CNBD1: variants seen among roughly 807,000 people sequenced by gnomAD.
The protein encoded by CNBD1 is cyclic nucleotide-binding domain-containing protein 1.
CNBD1 carries 71 observed loss-of-function variants against 54.4 expected under a neutral mutation model. The ratio of observed to expected loss-of-function variants is 1.30; its 90% CI spans 1.08 to 1.59. The LOEUF (loss-of-function observed/expected upper bound fraction) is 1.59. Among genes scored for constraint, CNBD1 ranks in the 40% most tolerant of loss-of-function variants. CNBD1 has a pLI of 0.00. For missense variants in CNBD1, 659 were observed against 518.0 expected, an observed-to-expected ratio of 1.27 and a Z score of -2.64; for synonymous variants, 182 against 170.7, an observed-to-expected ratio of 1.07 and a Z score of -0.51.
intron 4 of CNBD1, among the ~76,000 whole-genome samples, chr8:87,087,635 T>G (rs1318569047): frequency 2.0e-5 from 3 of 152,030 alleles, no homozygotes; most frequent in Non-Finnish European, 4.4e-5. Flanking sequence ...GGCTATTTTT[T>G]TTTTGTATTT....
intron 8 of CNBD1, among the ~76,000 whole-genome samples, chr8:87,330,751 T>C (rs898736144): frequency 1.3e-5 from 2 of 152,204 alleles, no homozygotes; most frequent in Non-Finnish European, 2.9e-5. Context: ...AGAATATGTA[T>C]GCTGCTGTTA....
rs1204361186 is a variant in CNBD1 at position 86,905,004 on chromosome 8, A to C, written c.159-77A>C. ...TAAATAGTATAGAATTGATACGTAT[A>C]TATTGAGTTAAAAATCTTTCTCTTG... On this transcript the variant is annotated intron_variant, in intron 2 of 10. Coordinates refer to ENST00000518476, the MANE Select transcript of CNBD1 (RefSeq NM_173538.3). 4 of 742,582 alleles carry C rather than the reference A, an allele frequency of 5.4e-6. No homozygotes were observed. In the Admixed American group the frequency reaches 9.0e-5, roughly 17 times the overall value. The allele number at this position is 742,582 out of a possible 1,614,324, so 46.0% of individuals were successfully genotyped here. A position where few individuals can be genotyped will look rare whatever the true frequency, so the allele number is the denominator to read the frequency against.
intron 4 of CNBD1, among the ~76,000 whole-genome samples, chr8:86,980,509 G>A (rs550260550): frequency 5.2e-4 from 79 of 152,276 alleles, no homozygotes; most frequent in African/African-American, 1.4e-3. Context: ...ACCAACTCAG[G>A]TGAATACACA....
At chr8:87,065,672 C>T (rs536745937) in intron 4 of CNBD1, among the ~76,000 whole-genome samples, 1 of 151,962 alleles carries the variant, frequency 6.6e-6, no homozygotes, top group African/African-American at 2.4e-5. Flanking sequence ...AAGGCAACTC[C>T]GAATAGTGGG....
chr8:87,114,051 T>G (rs1811721485), intron 4 of CNBD1, among the ~76,000 whole-genome samples: 1 of 152,104 alleles, frequency 6.6e-6, no homozygotes, highest in African/African-American at 2.4e-5. Flanking sequence ...TAAAATGAGG[T>G]ATTATATATG....
At chr8:87,047,872 T>C (rs1810229539) in intron 4 of CNBD1, among the ~76,000 whole-genome samples, 1 of 152,182 alleles carries the variant, frequency 6.6e-6, no homozygotes, top group East Asian at 1.9e-4. Context: ...AAAGTGGAAA[T>C]AACTGAAAGA....
intron 6 of CNBD1, among the ~76,000 whole-genome samples, chr8:87,271,337 A>C (rs1279899027): frequency 6.6e-6 from 1 of 151,408 alleles, no homozygotes; most frequent in Non-Finnish European, 1.5e-5. Flanking sequence ...GTGCATCATT[A>C]TGTTCTTTAT....
chr8:87,364,722 C>G (rs1810605758), intron 10 of CNBD1, among the ~76,000 whole-genome samples: 1 of 151,980 alleles, frequency 6.6e-6, no homozygotes, highest in Non-Finnish European at 1.5e-5. Flanking sequence ...TTAGCTCCCA[C>G]TTACAAGGAA....
At position 87,175,710 on chromosome 8, in the gene CNBD1, A is replaced by G. The variant is rs189618790; in HGVS notation, c.432-30283A>G. The stretch of plus-strand genomic sequence containing the variant: ...CTGGGGTTGGCCATAGCAGTTGTGC[A>G]TGCACTCTTTTAGCTGCCTTCTGGG... On this transcript the variant is annotated intron_variant, in intron 4 of 10. Coordinates refer to ENST00000518476, the MANE Select transcript of CNBD1 (RefSeq NM_173538.3). Among the ~76,000 whole-genome samples, 189 of 152,254 alleles carry G rather than the reference A, an allele frequency of 1.2e-3. 1 individual carries two copies. The highest frequency in any genetic ancestry group is 1.8e-3 in the Non-Finnish European group (122 of 68,022).
intron 8 of CNBD1, among the ~76,000 whole-genome samples, chr8:87,350,193 A>G (rs1463441709): frequency 6.6e-6 from 1 of 152,176 alleles, no homozygotes; most frequent in Non-Finnish European, 1.5e-5. Context: ...AATATTTCAC[A>G]TAATTCTACG....
intron 4 of CNBD1, among the ~76,000 whole-genome samples, chr8:87,068,382 AATATC>A (rs752204805): frequency 1.2e-4 from 19 of 152,032 alleles, no homozygotes; most frequent in Non-Finnish European, 2.8e-4. Context: ...AATGAAAGGA[AATATC>A]AATTGCTTTT....
intron 10 of CNBD1, among the ~76,000 whole-genome samples, chr8:87,371,335 T>G (rs907409182): frequency 1.3e-5 from 2 of 151,968 alleles, no homozygotes; most frequent in Non-Finnish European, 2.9e-5. Flanking sequence ...GCCATTTTCA[T>G]GATATTGATT....
At chr8:87,394,541 G>T (rs905319475) in intron 2 of CNBD1, among the ~76,000 whole-genome samples, 7 of 151,840 alleles carry the variant, frequency 4.6e-5, no homozygotes, top group East Asian at 1.9e-4. Context: ...GGTGAGAAAG[G>T]TTAGCACAAT....
chr8:87,270,965 T>C (rs1808351367), intron 6 of CNBD1, among the ~76,000 whole-genome samples: 1 of 151,858 alleles, frequency 6.6e-6, no homozygotes, highest in South Asian at 2.1e-4. Context: ...TATTTGTTTG[T>C]TGAGATTTTC....
chr8:86,967,471 G>C (rs993165442), intron 4 of CNBD1, among the ~76,000 whole-genome samples: 1 of 152,250 alleles, frequency 6.6e-6, no homozygotes, highest in Non-Finnish European at 1.5e-5. Flanking sequence ...GCTCCCACTG[G>C]CTTCATGGAG....
intron 4 of CNBD1, among the ~76,000 whole-genome samples, chr8:87,189,386 C>T (rs1021917365): frequency 6.6e-6 from 1 of 152,116 alleles, no homozygotes; most frequent in Non-Finnish European, 1.5e-5. Flanking sequence ...CCCAACCCCC[C>T]TTTAAAAACT....
At chr8:87,199,410 GAA>G (rs1264956052) in intron 4 of CNBD1, among the ~76,000 whole-genome samples, 1 of 152,078 alleles carries the variant, frequency 6.6e-6, no homozygotes, top group Non-Finnish European at 1.5e-5. Context: ...AGAATAGAAA[GAA>G]AAACAACACA....
At chr8:87,394,206 A>G (rs1377460446) in intron 2 of CNBD1, among the ~76,000 whole-genome samples, 2 of 151,888 alleles carry the variant, frequency 1.3e-5, no homozygotes, top group Non-Finnish European at 2.9e-5. Flanking sequence ...AAGCATTACA[A>G]CCTGCTTAGT....
chr8:86,949,467 A>G (rs1480402472), intron 4 of CNBD1, among the ~76,000 whole-genome samples: 2 of 152,080 alleles, frequency 1.3e-5, no homozygotes, highest in African/African-American at 4.8e-5. Context: ...TATTTCACAT[A>G]TTAGTTAATT....
Sources: allele counts gnomAD v4.1 joint callset (sites outside exome capture counted in the v4.1 genomes callset), GRCh38; gene constraint gnomAD v4.1.1; transcripts MANE v1.5; gene names NCBI Gene and HGNC (gene_info 2026-07-23, HGNC 2026-07-21).